The following ANKRD30B variants were observed in gnomAD, a reference collection of about 807,000 sequenced individuals.
ANKRD30B encodes ankyrin repeat domain-containing protein 30B.
A neutral mutation model predicts 202.2 loss-of-function variants in ANKRD30B; 144 were observed. The ratio of observed to expected loss-of-function variants is 0.71; its 90% confidence interval spans 0.62 to 0.82. The LOEUF (loss-of-function observed/expected upper bound fraction) is 0.82, where lower values mean the gene tolerates loss of function less well. Among genes scored for constraint, ANKRD30B ranks in the 40% least tolerant of loss-of-function variants. The pLI, the probability that ANKRD30B is intolerant of heterozygous loss-of-function variation, is 0.00. For missense variants in ANKRD30B, 1,487 were observed against 1,669.1 expected (o/e 0.89, Z 1.90); for synonymous variants, 508 against 561.3 (o/e 0.91, Z 1.34).
chr18:14,816,427 C>T (rs909493627), intron 30 of ANKRD30B: 1 of 151,962 alleles, frequency 6.6e-6, no homozygotes, highest in Non-Finnish European at 1.5e-5. Context: ...ATGCGGATCA[C>T]GAGGTCAGCA....
chr18:14,789,420 T>A (rs541555812), intron 15 of ANKRD30B, among the ~76,000 whole-genome samples: 1,912 of 152,258 alleles, frequency 0.013, 44 homozygotes, highest in African/African-American at 0.044. Context: ...CAATTTTGGC[T>A]TTTGTTGCCA....
intron 32 of ANKRD30B, among the ~76,000 whole-genome samples, chr18:14,826,677 C>CCTCT (rs1161926032): frequency 7.8e-4 from 104 of 133,044 alleles, no homozygotes; most frequent in Middle Eastern, 3.7e-3. Context: ...TCTCTCTCCC[C>CCTCT]CTCTCTCTCT....
rs542713605 is a variant in ANKRD30B at position 14,804,572 on chromosome 18, T to A, written c.2284+748T>A. On this transcript the variant is annotated intron_variant, in intron 24 of 43. Transcript: ENST00000690538. ...GATGCTGGTGGTCGTTGGACCTTGC[T>A]CTGAGTAGCAAGATGAGAGACCTTT... Among the ~76,000 whole-genome samples, 34 of 150,892 alleles carry A rather than the reference T, an allele frequency of 2.3e-4. 1 individual carries two copies. The East Asian group carries it at 5.6e-3, about 25-fold the overall frequency.
chr18:14,881,344 G>A, the ANKRD30B span, among the ~76,000 whole-genome samples: 13 of 150,566 alleles, frequency 8.6e-5, no homozygotes, highest in South Asian at 2.1e-4. Context: ...TGATATAATC[G>A]TGTGAGTTTT....
At chr18:14,756,408 A>G (rs984510588) in intron 4 of ANKRD30B, among the ~76,000 whole-genome samples, 23 of 152,182 alleles carry the variant, frequency 1.5e-4, no homozygotes, top group Non-Finnish European at 7.4e-5. Flanking sequence ...CTTTAGTTTA[A>G]TTAGATCCCA....
intron 6 of ANKRD30B, among the ~76,000 whole-genome samples, chr18:14,763,343 A>G (rs558586354): frequency 1.3e-4 from 20 of 152,226 alleles, no homozygotes; most frequent in African/African-American, 4.1e-4. Flanking sequence ...GAGCTCAGGA[A>G]TTTGAGACTA....
intron 39 of ANKRD30B, among the ~76,000 whole-genome samples, chr18:14,848,220 T>C (rs1384398979): frequency 6.6e-6 from 1 of 152,160 alleles, no homozygotes; most frequent in Non-Finnish European, 1.5e-5. Context: ...AAAAATTGTT[T>C]AGTGTATTTT....
intron 22 of ANKRD30B, among the ~76,000 whole-genome samples, chr18:14,799,574 T>TA (rs1228973522): frequency 5.0e-4 from 76 of 152,264 alleles, no homozygotes; most frequent in Non-Finnish European, 8.4e-4. Context: ...TGCTCGGTTT[T>TA]AAGGCAGGTG....
In ANKRD30B at chr18:14,796,481, G is replaced by C. The variant is rs191615911; in HGVS notation, c.1927+66G>C. On this transcript the variant is annotated intron_variant, in intron 18 of 43. Coordinates refer to ENST00000690538, the MANE Select transcript of ANKRD30B (RefSeq NM_001367607.2). ...ATTAAACTATTTGAAATGCCGAGAG[G>C]CTTTTATTCCCAATGTTGTTTTCTT... 142 of 1,459,224 alleles carry C rather than the reference G, an allele frequency of 9.7e-5. No individual in the cohort carries two copies. The East Asian group carries it at 1.2e-3, about 12-fold the overall frequency. The allele number at this position is 1,459,224 out of a possible 1,614,324, so 90.4% of individuals were successfully genotyped here. A position where few individuals can be genotyped will look rare whatever the true frequency, so the allele number is the denominator to read the frequency against.
chr18:14,911,619 G>T, the ANKRD30B span, among the ~76,000 whole-genome samples: 2 of 149,072 alleles, frequency 1.3e-5, no homozygotes, highest in South Asian at 4.2e-4. Flanking sequence ...CTCTTTTTTG[G>T]TTTCATATGG....
rs752203703 is a variant in ANKRD30B at position 14,782,601 on chromosome 18, T to C, written c.1557T>C (p.Asn519=). The C allele has an allele frequency of 3.2e-6, 5 of 1,574,150 alleles. No individual in the cohort carries two copies. The highest frequency in any genetic ancestry group is 1.2e-5 in the South Asian group (1 of 82,826). Reference sequence around the variant, plus strand: ...TGTATCAGAAAGTAATGGAGATAAATAGAGAAGTAGAAGGTAAGAACAACT... The same window carrying C: ...TGTATCAGAAAGTAATGGAGATAAACAGAGAAGTAGAAGGTAAGAACAACT... ...ESMYQKVMEI[N]REVEELPEKP... Residue 519 remains asparagine (N), a synonymous_variant, in exon 12 of 44, where the codon AAT becomes AAC. Coordinates refer to ENST00000690538, the MANE Select transcript of ANKRD30B (RefSeq NM_001367607.2).
At chr18:14,791,189 A>G (rs1295928028) in intron 15 of ANKRD30B, among the ~76,000 whole-genome samples, 1 of 152,066 alleles carries the variant, frequency 6.6e-6, no homozygotes, top group East Asian at 1.9e-4. Context: ...AGAGGTGTTT[A>G]TAGTATTCTC....
At chr18:14,913,649 C>T in the ANKRD30B span, among the ~76,000 whole-genome samples, 3 of 152,050 alleles carry the variant, frequency 2.0e-5, no homozygotes, top group African/African-American at 7.2e-5. Context: ...CTTCCCAAAC[C>T]CTGAGAACTA....
chr18:14,878,902 A>G, the ANKRD30B span, among the ~76,000 whole-genome samples: 2 of 152,220 alleles, frequency 1.3e-5, no homozygotes, highest in South Asian at 2.1e-4. Context: ...AGGGGCTGCC[A>G]TTCATCAGCT....
At chr18:14,777,065 A>G (rs148874600) in intron 9 of ANKRD30B, among the ~76,000 whole-genome samples, 188 of 152,326 alleles carry the variant, frequency 1.2e-3, no homozygotes, top group African/African-American at 4.2e-3. Context: ...GGTGAGGACT[A>G]CAGAGTAAGG....
chr18:14,879,448 A>G, the ANKRD30B span, among the ~76,000 whole-genome samples: 2 of 152,172 alleles, frequency 1.3e-5, no homozygotes, highest in South Asian at 4.1e-4. Flanking sequence ...AAATATTAAT[A>G]TAAGATCCGC....
intron 15 of ANKRD30B, among the ~76,000 whole-genome samples, chr18:14,788,511 A>G (rs1356388866): frequency 6.6e-6 from 1 of 152,126 alleles, no homozygotes; most frequent in Non-Finnish European, 1.5e-5. Context: ...GTCATTTAGC[A>G]TTAGTTATAT....
chr18:14,809,495 T>A (rs1422242535), intron 26 of ANKRD30B, among the ~76,000 whole-genome samples: 1 of 150,746 alleles, frequency 6.6e-6, no homozygotes, highest in Admixed American at 6.6e-5. Context: ...CATGGCGAGA[T>A]GAGGGCGTTC....
chr18:14,787,929 C>T (rs188098437), intron 15 of ANKRD30B, among the ~76,000 whole-genome samples: 102 of 152,312 alleles, frequency 6.7e-4, no homozygotes, highest in Middle Eastern at 3.4e-3. Context: ...TTCATTTAGA[C>T]ATGACATAAT....
Sources: gnomAD v4.1 joint callset for allele counts (sites outside exome capture counted in the v4.1 genomes callset) on GRCh38, gnomAD v4.1.1 for gene constraint, MANE v1.5 for transcripts, NCBI Gene and HGNC (gene_info 2026-07-23, HGNC 2026-07-21) for gene names.